THSD4: variants seen among roughly 807,000 people sequenced by gnomAD.
The protein encoded by THSD4 is thrombospondin type 1 domain containing 4, also known as thrombospondin type-1 domain-containing protein 4.
Under a neutral mutation model 119.0 loss-of-function variants are expected in THSD4, and 69 were observed. That is an observed-to-expected ratio of 0.58 (90% CI 0.48 to 0.71). The LOEUF (loss-of-function observed/expected upper bound fraction) is 0.71. Among genes scored for constraint, THSD4 ranks in the 30% least tolerant of loss-of-function variants. The pLI is 0.00. For synonymous variants in THSD4, 524 were observed against 540.4 expected, an observed-to-expected ratio of 0.97 and a Z score of 0.42; for missense variants, 1,393 against 1,391.1, an observed-to-expected ratio of 1.00 and a Z score of -0.02.
chr15:71,334,711 A>C (rs2045470041), intron 6 of THSD4, among the ~76,000 whole-genome samples: 1 of 152,186 alleles, frequency 6.6e-6, no homozygotes, highest in South Asian at 2.1e-4. Context: ...GAAACAAACC[A>C]GCCTCCCTCT....
intron 8 of THSD4, among the ~76,000 whole-genome samples, chr15:71,718,798 T>C (rs915131100): frequency 1.5e-4 from 23 of 152,038 alleles, no homozygotes; most frequent in African/African-American, 5.3e-4. Flanking sequence ...GGTGACCCAC[T>C]CCTCCCTGCA....
At chr15:71,388,734 A>G (rs1166561868) in intron 6 of THSD4, among the ~76,000 whole-genome samples, 1 of 151,820 alleles carries the variant, frequency 6.6e-6, no homozygotes, top group Non-Finnish European at 1.5e-5. Context: ...GGACTCAGGC[A>G]TATTGAGTCC....
chr15:71,447,040 G>C (rs2047191920), intron 7 of THSD4, among the ~76,000 whole-genome samples: 1 of 151,146 alleles, frequency 6.6e-6, no homozygotes, highest in African/African-American at 2.4e-5. Flanking sequence ...GGCACTGTTA[G>C]CATGGAGGAA....
At chr15:71,517,791 T>C (rs1410822695) in intron 7 of THSD4, among the ~76,000 whole-genome samples, 1 of 152,218 alleles carries the variant, frequency 6.6e-6, no homozygotes, top group Non-Finnish European at 1.5e-5. Context: ...TTCAGGCCCA[T>C]GGAAAAAGGT....
intron 7 of THSD4, among the ~76,000 whole-genome samples, chr15:71,570,374 G>A (rs566026445): frequency 3.3e-5 from 5 of 151,856 alleles, no homozygotes; most frequent in Non-Finnish European, 7.4e-5. Context: ...TGTTGCACCC[G>A]GAATATAAAT....
At chr15:71,218,885 C>T (rs1234018216) in intron 4 of THSD4, among the ~76,000 whole-genome samples, 3 of 152,226 alleles carry the variant, frequency 2.0e-5, no homozygotes, top group Non-Finnish European at 4.4e-5. Flanking sequence ...GCTATTCAAC[C>T]TTCCACCAGA....
At chr15:71,693,131 GA>G (rs2052089446) in intron 8 of THSD4, among the ~76,000 whole-genome samples, 1 of 151,950 alleles carries the variant, frequency 6.6e-6, no homozygotes, top group Non-Finnish European at 1.5e-5. Context: ...AGGGTGGGGG[GA>G]AACCTAGCCT....
At chr15:71,666,811 C>T (rs2051426348) in intron 8 of THSD4, among the ~76,000 whole-genome samples, 1 of 152,182 alleles carries the variant, frequency 6.6e-6, no homozygotes, top group Non-Finnish European at 1.5e-5. Flanking sequence ...AAAGTTAACT[C>T]TGAGTTTCTG....
chr15:71,538,470 A>G (rs2140832548), intron 7 of THSD4, among the ~76,000 whole-genome samples: 1 of 152,332 alleles, frequency 6.6e-6, no homozygotes, highest in Admixed American at 6.5e-5. Context: ...TTTCATTATT[A>G]CGGCTTCGTG....
chr15:71,293,221 G>A (rs912482089), intron 6 of THSD4, among the ~76,000 whole-genome samples: 5 of 152,150 alleles, frequency 3.3e-5, no homozygotes, highest in Non-Finnish European at 7.4e-5. Flanking sequence ...TTCTTTAGGA[G>A]AACAGATTTT....
intron 6 of THSD4, among the ~76,000 whole-genome samples, chr15:71,333,281 G>A (rs1311097091): frequency 1.3e-5 from 2 of 152,028 alleles, no homozygotes; most frequent in Non-Finnish European, 2.9e-5. Flanking sequence ...TCTGAGTTTT[G>A]GCTTTCAGAG....
At chr15:71,704,494 C>T (rs1454992216) in intron 8 of THSD4, among the ~76,000 whole-genome samples, 1 of 152,210 alleles carries the variant, frequency 6.6e-6, no homozygotes, top group Non-Finnish European at 1.5e-5. Context: ...TGACTTTGCT[C>T]CTCCTTCACC....
At chr15:71,435,880 C>G (rs2047006330) in intron 7 of THSD4, among the ~76,000 whole-genome samples, 1 of 152,222 alleles carries the variant, frequency 6.6e-6, no homozygotes, top group African/African-American at 2.4e-5. Flanking sequence ...ATGGATAGAA[C>G]TCCTTTTAGG....
chr15:71,665,733 G>A (rs370970731), intron 8 of THSD4, among the ~76,000 whole-genome samples: 5 of 152,082 alleles, frequency 3.3e-5, no homozygotes, highest in Admixed American at 3.3e-4. Flanking sequence ...AGTTCTCCCA[G>A]GACCACTTAT....
rs1263889781 is a variant in THSD4 at position 71,771,163 on chromosome 15, G to A, written c.2869G>A (p.Glu957Lys). Residue 957 changes from glutamate (E) to lysine (K), a missense_variant, in exon 17 of 18, where the codon GAA becomes AAA. Physicochemically the swap from Glu to Lys is moderately conservative, Grantham distance 56. Transcript: ENST00000261862. ...SNLCDPQLKP[E>K]ERESCNPQDC... is the part of the protein sequence containing the mutation. ...CCTCTGTGACCCTCAGTTGAAACCA[G>A]AAGAGAGAGAATCTTGTAACCCTCA... is the stretch of plus-strand genomic sequence containing the variant. 2 of 1,614,200 alleles carry A rather than the reference G, an allele frequency of 1.2e-6. No individual in the cohort carries two copies. Among genetic ancestry groups the A allele is most frequent in the Admixed American group, 3.3e-5 (2 of 60,018 alleles).
chr15:71,398,072 G>A (rs1383544760), intron 6 of THSD4, among the ~76,000 whole-genome samples: 1 of 152,160 alleles, frequency 6.6e-6, no homozygotes, highest in Non-Finnish European at 1.5e-5. Context: ...CAGCTGTGAT[G>A]GTCCATGTAG....
intron 6 of THSD4, among the ~76,000 whole-genome samples, chr15:71,282,480 GT>G: frequency 3.7e-4 from 1 of 2,708 alleles, no homozygotes. Context: ...TCCTGTAGCT[GT>G]CAACAGTCCT....
At chr15:71,395,415 C>G (rs1437239974) in intron 6 of THSD4, among the ~76,000 whole-genome samples, 1 of 152,102 alleles carries the variant, frequency 6.6e-6, no homozygotes, top group African/African-American at 2.4e-5. Context: ...GGCAGAGGCA[C>G]AGACAATTCT....
intron 8 of THSD4, among the ~76,000 whole-genome samples, chr15:71,668,651 T>C (rs2141009661): frequency 6.6e-6 from 1 of 152,278 alleles, no homozygotes; most frequent in Non-Finnish European, 1.5e-5. Context: ...TCTGTCTTCA[T>C]TGTGGAATTG....
Sources: gnomAD v4.1 joint callset for allele counts (sites outside exome capture counted in the v4.1 genomes callset) on GRCh38, gnomAD v4.1.1 for gene constraint, MANE v1.5 for transcripts, NCBI Gene and HGNC (gene_info 2026-07-23, HGNC 2026-07-21) for gene names.